EFCAB13: variants seen among roughly 807,000 people sequenced by gnomAD.
EFCAB13 encodes the protein EF-hand calcium binding domain 13.
In EFCAB13, 91 loss-of-function variants were observed where a neutral mutation model predicts 110.2. The ratio of observed to expected loss-of-function variants is 0.83; its 90% CI spans 0.70 to 0.98. The LOEUF is 0.98. Ranked by LOEUF, EFCAB13 falls within the 50% of genes least tolerant of loss-of-function variation. The pLI, the probability that EFCAB13 is intolerant of heterozygous loss-of-function variation, is 0.00. For missense variants in EFCAB13, 968 were observed against 1,119.4 expected (o/e 0.86, Z 1.93); for synonymous variants, 323 against 369.9 (o/e 0.87, Z 1.45).
chr17:47,324,687 A>C (rs931997291), intron 2 of EFCAB13, among the ~76,000 whole-genome samples, 164 bp downstream of exon 2: 17 of 152,090 alleles, frequency 1.1e-4, no homozygotes, highest in African/African-American at 4.1e-4. Flanking sequence ...GCGGCTTGTG[A>C]GGGAAATGTG....
chr17:47,355,217 T>C (rs559503178), intron 9 of EFCAB13, among the ~76,000 whole-genome samples: 1 of 152,346 alleles, frequency 6.6e-6, no homozygotes, highest in African/African-American at 2.4e-5. Flanking sequence ...CAATCCTTTC[T>C]AGCTTGTAGG....
At chr17:47,417,714 C>A (rs1484610951) in intron 23 of EFCAB13, among the ~76,000 whole-genome samples, 1 of 152,202 alleles carries the variant, frequency 6.6e-6, no homozygotes. Context: ...CAATCTCTTT[C>A]ATGATCTCCT....
rs562601401 is a variant in EFCAB13 at position 47,359,119 on chromosome 17, G to A, written c.662-2259G>A. ...AGGCCAAGGCGGGTGGATCACTTAA[G>A]CCCAGGAGTTCGAGACCAGCCTGGG... On this transcript the variant is annotated intron_variant, in intron 9 of 24. Coordinates refer to ENST00000331493, the MANE Select transcript of EFCAB13 (RefSeq NM_152347.5). 7.6e-4 allele frequency among the ~76,000 whole-genome samples: 115 copies of A among 152,214 alleles called. 1 individual carries two copies. The highest frequency in any genetic ancestry group is 2.7e-3 in the African/African-American group (111 of 41,526).
At chr17:47,372,155 G>A (rs2065588165) in intron 11 of EFCAB13, among the ~76,000 whole-genome samples, 1 of 151,928 alleles carries the variant, frequency 6.6e-6, no homozygotes, top group Admixed American at 6.6e-5. Flanking sequence ...TTGTTTCATA[G>A]ATCCTTTGTT....
intron 14 of EFCAB13, among the ~76,000 whole-genome samples, chr17:47,391,183 C>A (rs1424668177): frequency 6.6e-6 from 1 of 152,116 alleles, no homozygotes; most frequent in East Asian, 1.9e-4. Context: ...TCAAGTGATT[C>A]TTCCGCCTGG....
At chr17:47,346,925 A>G (rs2065420346) in intron 8 of EFCAB13, among the ~76,000 whole-genome samples, 1 of 152,142 alleles carries the variant, frequency 6.6e-6, no homozygotes, top group South Asian at 2.1e-4. Context: ...TTATTTTATT[A>G]AAGCCATTAT....
intron 23 of EFCAB13, among the ~76,000 whole-genome samples, chr17:47,420,340 C>T (rs373785664): frequency 0.022 from 3,351 of 151,252 alleles, 43 homozygotes; most frequent in East Asian, 0.17. Context: ...CCCAAAGTGC[C>T]GAGATTGCAG....
At chr17:47,403,150 A>T (rs184152107) in intron 18 of EFCAB13, among the ~76,000 whole-genome samples, 246 of 152,338 alleles carry the variant, frequency 1.6e-3, no homozygotes, top group Non-Finnish European at 2.7e-3. Flanking sequence ...AACTGTGATT[A>T]CTATTTGCAG....
Position 47,335,283 on chromosome 17 carries a change from A to G in EFCAB13, c.118A>G (p.Ile40Val), listed in dbSNP as rs150400089. ...AGGAACTATTAACCACAAGAAATAC[A>G]TCAAGTTTTCTAAAACAATAGAGAA... The part of the protein sequence containing the change: ...SSGTINHKKY[I>V]KFSKTIEKEI... Residue 40 changes from isoleucine (I) to valine (V), a missense_variant, in exon 5 of 25, where the codon ATC becomes GTC. Physicochemically the swap from Ile to Val is conservative, Grantham distance 29. Coordinates refer to ENST00000331493, the MANE Select transcript of EFCAB13 (RefSeq NM_152347.5). 2.5e-6 allele frequency: 4 copies of G among 1,611,470 alleles called. No individual in the cohort carries two copies. Among genetic ancestry groups the G allele is most frequent in the African/African-American group, 2.7e-5 (2 of 74,864 alleles).
At chr17:47,376,042 T>A (rs1405843566) in intron 12 of EFCAB13, among the ~76,000 whole-genome samples, 1 of 152,220 alleles carries the variant, frequency 6.6e-6, no homozygotes, top group Non-Finnish European at 1.5e-5. Flanking sequence ...AGTTAAAGAT[T>A]TCTTCCTGTA....
At chr17:47,389,583 T>C (rs1027863071) in intron 14 of EFCAB13, among the ~76,000 whole-genome samples, 7 of 151,606 alleles carry the variant, frequency 4.6e-5, no homozygotes, top group African/African-American at 1.7e-4. Context: ...TTCATCTTTT[T>C]TTTTTTTTTT....
At chr17:47,360,794 A>C (rs1451003966) in intron 9 of EFCAB13, among the ~76,000 whole-genome samples, 1 of 152,144 alleles carries the variant, frequency 6.6e-6, no homozygotes, top group Non-Finnish European at 1.5e-5. Flanking sequence ...TCTTGAATTA[A>C]TTTTTATATA....
rs775362251 is a variant in EFCAB13 at position 47,374,540 on chromosome 17, T to C, written c.946T>C (p.Tyr316His). The change falls in exon 12 of 25, where the codon TAT (tyrosine) becomes CAT (histidine). Residue 316 changes from tyrosine (Y) to histidine (H), a missense_variant. Transcript: ENST00000331493. ...DRKLSSVAGC[Y>H]LKYKKKNSLS... is the part of the protein sequence containing the mutation. ...AAAGTTATCAAGTGTAGCAGGATGC[T>C]ATCTAAAATATAAGAAGAAAAATAG... 4 of 1,582,574 alleles carry C rather than the reference T, an allele frequency of 2.5e-6. No individual in the cohort carries two copies. The highest frequency in any genetic ancestry group is 3.4e-6 in the Non-Finnish European group (4 of 1,170,770).
chr17:47,417,773 A>T (rs370054601), intron 23 of EFCAB13, among the ~76,000 whole-genome samples: 1 of 152,296 alleles, frequency 6.6e-6, no homozygotes. Context: ...ACATCTGGAC[A>T]CAGCTTTCTC....
intron 24 of EFCAB13, among the ~76,000 whole-genome samples, chr17:47,432,860 G>A (rs1369045373): frequency 5.3e-5 from 8 of 152,144 alleles, no homozygotes. Flanking sequence ...TACATTTACA[G>A]AAGAGTTTTA....
intron 24 of EFCAB13, among the ~76,000 whole-genome samples, chr17:47,433,195 G>T (rs951412969): frequency 1.3e-4 from 20 of 152,182 alleles, no homozygotes; most frequent in Middle Eastern, 3.4e-3. Context: ...CTTAGTTTGG[G>T]TTTATCTCAT....
At chr17:47,439,333 C>T (rs1407869259) in intron 24 of EFCAB13, among the ~76,000 whole-genome samples, 1 of 151,772 alleles carries the variant, frequency 6.6e-6, no homozygotes, top group African/African-American at 2.4e-5. Flanking sequence ...CCTGCCACCA[C>T]CCCTGGCTAA....
intron 10 of EFCAB13, among the ~76,000 whole-genome samples, chr17:47,362,963 G>A (rs1199569023): frequency 6.6e-6 from 1 of 152,110 alleles, no homozygotes; most frequent in Non-Finnish European, 1.5e-5. Flanking sequence ...GGTACCCCGG[G>A]CCCAGCTGTC....
chr17:47,380,225 C>T (rs147751278), intron 14 of EFCAB13, among the ~76,000 whole-genome samples: 5 of 152,168 alleles, frequency 3.3e-5, no homozygotes, highest in African/African-American at 1.2e-4. Context: ...TGCTATCCCC[C>T]TACTAGCCCC....
Sources: allele counts gnomAD v4.1 joint callset (sites outside exome capture counted in the v4.1 genomes callset), GRCh38; gene constraint gnomAD v4.1.1; transcripts MANE v1.5; gene names NCBI Gene and HGNC (gene_info 2026-07-23, HGNC 2026-07-21).